PIAS1: variants seen among roughly 807,000 people sequenced by gnomAD.
The protein encoded by PIAS1 is E3 SUMO-protein ligase PIAS1.
Under a neutral mutation model 71.3 loss-of-function variants are expected in PIAS1, and 6 were observed. The observed-to-expected ratio is 0.08, with a 90% CI of 0.05 to 0.17. The LOEUF (loss-of-function observed/expected upper bound fraction) is 0.17, where lower values mean the gene tolerates loss of function less well. PIAS1 is among the 10% of genes least tolerant of loss of function. The probability of loss-of-function intolerance (pLI) is 1.00; values close to 1 mark genes in which losing one functional copy is unlikely to be tolerated. For missense variants in PIAS1, 555 were observed against 793.6 expected, an observed-to-expected ratio of 0.70 and a Z score of 3.61; for synonymous variants, 303 against 292.9, an observed-to-expected ratio of 1.03 and a Z score of -0.35.
At chr15:68,169,532 G>T (rs1321634354) in intron 8 of PIAS1, among the ~76,000 whole-genome samples, 1 of 152,192 alleles carries the variant, frequency 6.6e-6, no homozygotes, top group Admixed American at 6.5e-5. Context: ...AATTAGCCAG[G>T]CATGGTGGCA....
At chr15:68,093,946 C>T (rs1000847561) in intron 2 of PIAS1, among the ~76,000 whole-genome samples, 1 of 152,142 alleles carries the variant, frequency 6.6e-6, no homozygotes, top group Admixed American at 6.6e-5. Flanking sequence ...TTGGACGCTA[C>T]AGACTGAAGA....
intron 11 of PIAS1, among the ~76,000 whole-genome samples, chr15:68,177,343 C>G (rs1398013858): frequency 6.6e-6 from 1 of 151,010 alleles, no homozygotes; most frequent in Non-Finnish European, 1.5e-5. Flanking sequence ...GGTGATCCTG[C>G]TCCTGCTCAC....
rs2092634123 is a variant in PIAS1 at position 68,124,255 on chromosome 15, A to G, written c.470-17691A>G. ...ACTACTGATGGCTATAACTATGTAA[A>G]GAAGTAAAACATTTCCTGTAAAGAC... On this transcript the variant is annotated intron_variant, in intron 2 of 13. Coordinates refer to ENST00000249636, the MANE Select transcript of PIAS1 (RefSeq NM_016166.3). Among the ~76,000 whole-genome samples, 3 of 152,330 alleles carry G rather than the reference A, an allele frequency of 2.0e-5. No homozygotes were observed. In the South Asian group the frequency reaches 6.2e-4, roughly 32 times the overall value.
chr15:68,121,895 A>G (rs960019894), intron 2 of PIAS1, among the ~76,000 whole-genome samples: 2 of 152,184 alleles, frequency 1.3e-5, no homozygotes, highest in African/African-American at 4.8e-5. Flanking sequence ...TGGGAGGCCA[A>G]GGCGGGCAGA....
intron 7 of PIAS1, among the ~76,000 whole-genome samples, chr15:68,164,190 A>G (rs2092942204): frequency 6.6e-6 from 1 of 152,170 alleles, no homozygotes; most frequent in African/African-American, 2.4e-5. Context: ...AGAGAAATAG[A>G]TTAAAATTCA....
At chr15:68,096,694 T>A (rs1476906193) in intron 2 of PIAS1, among the ~76,000 whole-genome samples, 1 of 152,200 alleles carries the variant, frequency 6.6e-6, no homozygotes, top group African/African-American at 2.4e-5. Flanking sequence ...AATTGAATTG[T>A]TAAGTTCCTT....
At position 68,175,634 on chromosome 15, in the gene PIAS1, T is replaced by C. The variant is rs1421282915; in HGVS notation, c.1170-3T>C. 4 of 1,460,418 alleles carry C rather than the reference T, an allele frequency of 2.7e-6. No homozygotes were observed. The highest frequency in any genetic ancestry group is 2.8e-6 in the Non-Finnish European group (3 of 1,082,772). 90.5% of individuals were successfully genotyped at this position (1,460,418 alleles called of 1,614,324 possible). On this transcript the variant is annotated splice_region_variant and splice_polypyrimidine_tract_variant and intron_variant, in intron 9 of 13. Transcript: ENST00000249636. ...ATTCTAAGGATGAATTGTTTTCTTA[T>C]AGCTTGTTTATGGAAATCCTAAAGT...
chr15:68,076,398 T>C (rs2140971687), intron 1 of PIAS1, among the ~76,000 whole-genome samples: 1 of 152,102 alleles, frequency 6.6e-6, no homozygotes, highest in South Asian at 2.1e-4. Flanking sequence ...TCCCAGCTAC[T>C]CGGGAGGCTG....
At chr15:68,168,527 A>G (rs977111143) in intron 8 of PIAS1, among the ~76,000 whole-genome samples, 4 of 152,190 alleles carry the variant, frequency 2.6e-5, no homozygotes, top group African/African-American at 9.7e-5. Flanking sequence ...TTATTTGCAA[A>G]TAATGCAAAC....
At chr15:68,138,203 A>AT in intron 2 of PIAS1, among the ~76,000 whole-genome samples, 1 of 152,148 alleles carries the variant, frequency 6.6e-6, no homozygotes, top group Non-Finnish European at 1.5e-5. Context: ...CACTTATGTT[A>AT]TTTAACTAGC....
chr15:68,144,874 G>A (rs181013379), intron 4 of PIAS1, among the ~76,000 whole-genome samples: 15 of 152,104 alleles, frequency 9.9e-5, no homozygotes, highest in Non-Finnish European at 1.6e-4. Flanking sequence ...CACGATCCCC[G>A]TACTCAGATT....
At chr15:68,159,061 G>GTA (rs939712962) in intron 7 of PIAS1, among the ~76,000 whole-genome samples, 5 of 152,042 alleles carry the variant, frequency 3.3e-5, no homozygotes, top group African/African-American at 1.2e-4. Context: ...GACTTATTGG[G>GTA]TAAAACAAGA....
intron 1 of PIAS1, among the ~76,000 whole-genome samples, chr15:68,076,004 A>T (rs2092159520): frequency 6.6e-6 from 1 of 151,984 alleles, no homozygotes; most frequent in African/African-American, 2.4e-5. Flanking sequence ...TCTGGTCTTG[A>T]ACTCCTGACC....
intron 2 of PIAS1, among the ~76,000 whole-genome samples, chr15:68,117,005 T>G (rs2092570552): frequency 6.6e-6 from 1 of 152,192 alleles, no homozygotes; most frequent in African/African-American, 2.4e-5. Flanking sequence ...CATGAGGCCT[T>G]AAACATTCAT....
At chr15:68,080,220 A>C (rs562788725) in intron 1 of PIAS1, among the ~76,000 whole-genome samples, 1 of 152,342 alleles carries the variant, frequency 6.6e-6, no homozygotes, top group South Asian at 2.1e-4. Context: ...TATATAAATA[A>C]GGATGATGTT....
At chr15:68,100,035 A>G (rs1412500760) in intron 2 of PIAS1, among the ~76,000 whole-genome samples, 1 of 151,298 alleles carries the variant, frequency 6.6e-6, no homozygotes, top group Non-Finnish European at 1.5e-5. Context: ...TGTAGATACT[A>G]GTTTTAGTCA....
chr15:68,156,722 AAAAAAAG>A (rs1253046086), intron 7 of PIAS1, among the ~76,000 whole-genome samples: 2 of 150,562 alleles, frequency 1.3e-5, no homozygotes, highest in African/African-American at 2.4e-5. Flanking sequence ...AAAAAAAAAA[AAAAAAAG>A]AGAGAGAGAG....
At chr15:68,144,050 C>T (rs577452603) in intron 4 of PIAS1, among the ~76,000 whole-genome samples, 1 of 149,664 alleles carries the variant, frequency 6.7e-6, no homozygotes, top group Admixed American at 6.7e-5. Context: ...GATAGATGAG[C>T]TATAATTCAG....
chr15:68,128,665 T>A (rs2141028752), intron 2 of PIAS1, among the ~76,000 whole-genome samples: 1 of 152,330 alleles, frequency 6.6e-6, no homozygotes, highest in South Asian at 2.1e-4. Flanking sequence ...GTTAAAACAT[T>A]CCAGATTCTG....
Sources: gnomAD v4.1 joint callset for allele counts (sites outside exome capture counted in the v4.1 genomes callset) on GRCh38, gnomAD v4.1.1 for gene constraint, MANE v1.5 for transcripts, NCBI Gene and HGNC (gene_info 2026-07-23, HGNC 2026-07-21) for gene names.